The following C1QTNF6 variants were observed in gnomAD, a reference collection of about 807,000 sequenced individuals.
C1QTNF6 encodes C1q and TNF related 6.
A neutral mutation model predicts 20.7 loss-of-function variants in C1QTNF6; 17 were observed. That is an observed-to-expected ratio of 0.82 (90% CI 0.56 to 1.23). The LOEUF (loss-of-function observed/expected upper bound fraction) is 1.23, where lower values mean the gene tolerates loss of function less well. Among genes scored for constraint, C1QTNF6 ranks in the 50% most tolerant of loss-of-function variants. The pLI is 0.00. For synonymous variants in C1QTNF6, 130 were observed against 156.3 expected (o/e 0.83, Z 1.25); for missense variants, 329 against 389.7 (o/e 0.84, Z 1.31).
At position 37,182,060 on chromosome 22, in the gene C1QTNF6, G is replaced by C; in HGVS notation, c.*128C>G. On this transcript the variant is annotated 3_prime_UTR_variant, in exon 3 of 3. Transcript: ENST00000337843. Reference sequence around the variant, plus strand: ...TGATGGCAGCCAAGATAGAAGCAGGGTCTCCCCAGAATGCCAGGTCCCCGG... The same window carrying C: ...TGATGGCAGCCAAGATAGAAGCAGGCTCTCCCCAGAATGCCAGGTCCCCGG... The C allele has an allele frequency of 1.0e-6, 1 of 998,530 alleles. No homozygotes were observed. The highest frequency in any genetic ancestry group is 1.4e-6 in the Non-Finnish European group (1 of 698,636). 61.9% of individuals were successfully genotyped at this position (998,530 alleles called of 1,614,324 possible).
chr22:37,182,802 T>TGTCA, intron 2 of C1QTNF6, 67 bp from the exon 3 acceptor site: 6 of 1,486,318 alleles, frequency 4.0e-6, no homozygotes, highest in Non-Finnish European at 5.4e-6. Context: ...GTGCCCACAC[T>TGTCA]CATCTGTGAC....
chr22:37,184,212 G>A lies in C1QTNF6; in HGVS notation c.289+1006C>T, dbSNP rs1018363430. 3 of 639,940 alleles carry A rather than the reference G, an allele frequency of 4.7e-6. No individual in the cohort carries two copies. Among genetic ancestry groups the A allele is most frequent in the Non-Finnish European group, 8.7e-6 (3 of 344,004 alleles). 39.6% of individuals were successfully genotyped at this position (639,940 alleles called of 1,614,324 possible). ...CAGGCCAGGTGCCAGGTGACCACTG[G>A]CTGTGCAGTGAGTGTCCCCGGGGAG... is the stretch of plus-strand genomic sequence containing the variant. On this transcript the variant is annotated intron_variant, in intron 2 of 2. Coordinates refer to ENST00000337843, the MANE Select transcript of C1QTNF6 (RefSeq NM_031910.4). The surrounding 1 kb of genome is among the most constrained non-coding windows in gnomAD (Gnocchi z 4.0).
chr22:37,184,395 G>A lies in C1QTNF6; in HGVS notation c.289+823C>T, dbSNP rs772227445. On this transcript the variant is annotated intron_variant, in intron 2 of 2. Transcript: ENST00000337843. The surrounding 1 kb of genome is among the most constrained non-coding windows in gnomAD (Gnocchi z 4.0). ...AGGATGTCAAGGCCTGGTCACAGCC[G>A]TCAGCCACCACAGCCTGGAAGGGAA... 3.2e-5 allele frequency: 23 copies of A among 717,286 alleles called. No homozygotes were observed. Among genetic ancestry groups the A allele is most frequent in the South Asian group, 8.9e-5 (6 of 67,604 alleles). The allele number at this position is 717,286 out of a possible 1,614,324, so 44.4% of individuals were successfully genotyped here.
intron 2 of C1QTNF6, among the ~76,000 whole-genome samples, chr22:37,183,846 A>T (rs2145761149): frequency 6.6e-6 from 1 of 152,326 alleles, no homozygotes; most frequent in Middle Eastern, 3.4e-3. Context: ...GGTGGACAGG[A>T]CGAAGGGACT....
chr22:37,185,071 G>A (rs945500282), intron 2 of C1QTNF6, 147 bp downstream of exon 2: 26 of 1,375,400 alleles, frequency 1.9e-5, no homozygotes, highest in Admixed American at 2.8e-5. Context: ...CGTCATCAGT[G>A]TTTGGAACAG....
chr22:37,189,084 G>T (rs1036026895), upstream of C1QTNF6, among the ~76,000 whole-genome samples: 5 of 152,132 alleles, frequency 3.3e-5, no homozygotes, highest in African/African-American at 1.2e-4. Flanking sequence ...GAAAGGGGTG[G>T]GAATTTCCTG....
Position 37,182,438 on chromosome 22 carries a change from T to C in C1QTNF6, c.587A>G (p.Asn196Ser), listed in dbSNP as rs773374270. ...PLRGIYFFSL[N>S]VHSWNYKETY... ...CTCCTTGTAATTCCAGCTGTGCACA[T>C]TGAGGCTGAAGAAGTAGATGCCACG... Residue 196 changes from asparagine (N) to serine (S), a missense_variant, in exon 3 of 3, where the codon AAT (asparagine) becomes AGT (serine). Transcript: ENST00000337843. 11 of 1,614,246 alleles carry C rather than the reference T, an allele frequency of 6.8e-6. No homozygotes were observed. The highest frequency in any genetic ancestry group is 9.3e-6 in the Non-Finnish European group (11 of 1,180,042).
At position 37,181,133 on chromosome 22, in the gene C1QTNF6, C is replaced by T. The variant is rs1308322194; in HGVS notation, c.*1055G>A. 6.6e-6 allele frequency: 1 copy of T among 152,400 alleles called. No individual in the cohort carries two copies. The highest frequency in any genetic ancestry group is 1.5e-5 in the Non-Finnish European group (1 of 68,200). The allele number at this position is 152,400 out of a possible 1,614,324, so 9.4% of individuals were successfully genotyped here. A position where few individuals can be genotyped will look rare whatever the true frequency, so the allele number is the denominator to read the frequency against. Reference sequence around the variant, plus strand: ...ACCTGAACACCCAGAACACAGGCCCCCATGAGCTCTGGGTCTGCTTTAAAA... The same window carrying T: ...ACCTGAACACCCAGAACACAGGCCCTCATGAGCTCTGGGTCTGCTTTAAAA... On this transcript the variant is annotated 3_prime_UTR_variant, in exon 3 of 3. Transcript: ENST00000337843.
At chr22:37,198,232 T>A, upstream of C1QTNF6, 1 of 152,550 alleles carries the variant, frequency 6.6e-6, no homozygotes, top group Non-Finnish European at 1.5e-5. Flanking sequence ...CTCCAGAAGC[T>A]GGCTTTTCTC....
Position 37,184,264 on chromosome 22 carries a change from C to A in C1QTNF6, c.289+954G>T. The A allele has an allele frequency of 1.5e-6, 1 of 689,292 alleles. No individual in the cohort carries two copies. The allele number at this position is 689,292 out of a possible 1,614,324, so 42.7% of individuals were successfully genotyped here. ...GCTCAGGAACAAATCCTGGCTCCAT[C>A]CCTGACAGCTGTGTGGCCCCAGGAG... On this transcript the variant is annotated intron_variant, in intron 2 of 2. Coordinates refer to ENST00000337843, the MANE Select transcript of C1QTNF6 (RefSeq NM_031910.4). The surrounding 1 kb of genome is among the most constrained non-coding windows in gnomAD (Gnocchi z 4.0).
intron 2 of C1QTNF6, among the ~76,000 whole-genome samples, chr22:37,193,895 T>TA (rs759990626): frequency 9.2e-5 from 14 of 152,202 alleles, no homozygotes; most frequent in African/African-American, 3.1e-4. Context: ...AAGGTGGGAA[T>TA]TGAACCTGGG....
In C1QTNF6 at chr22:37,185,233, T is replaced by C. The variant is rs1007074240; in HGVS notation, c.274A>G (p.Ile92Val). The change falls in exon 2 of 3, where the codon ATC becomes GTC. Residue 92 changes from isoleucine to valine, a missense_variant. Transcript: ENST00000337843. ...ALPEIRPYIN[I>V]TILKGDKGDP... is the part of the protein sequence containing the mutation. The stretch of plus-strand genomic sequence containing the variant: ...GGGCACTCACCCTTCAGGATGGTGA[T>C]ATTAATGTAGGGTCTGATCTCAGGC... 1.3e-6 allele frequency: 2 copies of C among 1,568,998 alleles called. No homozygotes were observed. Among genetic ancestry groups the C allele is most frequent in the African/African-American group, 2.7e-5 (2 of 73,862 alleles).
At chr22:37,189,843 A>G (rs1283426228), upstream of C1QTNF6, among the ~76,000 whole-genome samples, 1 of 152,244 alleles carries the variant, frequency 6.6e-6, no homozygotes, top group Non-Finnish European at 1.5e-5. Flanking sequence ...AAGGCTTTCC[A>G]TGAACTGGGC....
intron 1 of C1QTNF6, chr22:37,195,683 GGATT>G (rs1925094602): frequency 6.6e-6 from 1 of 152,144 alleles, no homozygotes; most frequent in Non-Finnish European, 1.5e-5. Flanking sequence ...AACAAAGGGT[GGATT>G]ATTAATCAGT....
In C1QTNF6 at chr22:37,188,203, A is replaced by AG; in HGVS notation, c.10dup (p.Leu4ProfsTer5). On this transcript the variant is annotated frameshift_variant, in exon 1 of 3. Coordinates refer to ENST00000337843, the MANE Select transcript of C1QTNF6 (RefSeq NM_031910.4). LOFTEE classifies it high-confidence loss of function. The stretch of plus-strand genomic sequence containing the variant: ...CTCCCCAGGCGACTCACGGACCCTG[A>AG]GCCACTGCATGGCCTCTGGCTCCTT... 2 of 1,608,846 alleles carry AG rather than the reference A, an allele frequency of 1.2e-6. No homozygotes were observed. The highest frequency in any genetic ancestry group is 1.1e-5 in the South Asian group (1 of 90,234).
At chr22:37,193,548 G>A (rs948062172) in intron 2 of C1QTNF6, among the ~76,000 whole-genome samples, 22 of 152,248 alleles carry the variant, frequency 1.4e-4, no homozygotes, top group African/African-American at 4.6e-4. Flanking sequence ...TTAAATATAT[G>A]TATAGCTTGG....
upstream of C1QTNF6, among the ~76,000 whole-genome samples, chr22:37,190,190 T>A (rs536589810): frequency 6.6e-6 from 1 of 152,324 alleles, no homozygotes; most frequent in South Asian, 2.1e-4. Context: ...CTCTCTCCAG[T>A]CTCCCATTTT....
upstream of C1QTNF6, among the ~76,000 whole-genome samples, chr22:37,191,333 A>C (rs1025203325): frequency 1.3e-5 from 2 of 152,226 alleles, no homozygotes; most frequent in African/African-American, 4.8e-5. Flanking sequence ...GAATTATAGG[A>C]GTTTCCCATA....
intron 2 of C1QTNF6, among the ~76,000 whole-genome samples, chr22:37,194,446 A>T (rs1200133345): frequency 6.6e-6 from 1 of 152,254 alleles, no homozygotes; most frequent in African/African-American, 2.4e-5. Flanking sequence ...GCACCAAGAG[A>T]GGCCAGAAGC....
Sources: gnomAD v4.1 joint callset for allele counts (sites outside exome capture counted in the v4.1 genomes callset) on GRCh38, gnomAD v4.1.1 for gene constraint, Gnocchi (gnomAD v3.1) non-coding constraint, MANE v1.5 for transcripts, NCBI Gene and HGNC (gene_info 2026-07-23, HGNC 2026-07-21) for gene names.